The following ZC3H6 variants were observed in gnomAD, a reference collection of about 807,000 sequenced individuals.
The protein encoded by ZC3H6 is zinc finger CCCH-type containing 6, also known as zinc finger CCCH domain-containing protein 6.
Under a neutral mutation model 107.7 loss-of-function variants are expected in ZC3H6, and 40 were observed. The observed-to-expected ratio is 0.37, with a 90% confidence interval of 0.29 to 0.48. ZC3H6 has a LOEUF of 0.48. Among genes scored for constraint, ZC3H6 ranks in the 20% least tolerant of loss-of-function variants. The pLI, the probability that ZC3H6 is intolerant of heterozygous loss-of-function variation, is 0.98. For missense variants in ZC3H6, 1,267 were observed against 1,410.4 expected (o/e 0.90, Z 1.63); for synonymous variants, 493 against 487.9 (o/e 1.01, Z -0.14).
At chr2:112,282,770 G>A (rs2104692246) in intron 1 of ZC3H6, among the ~76,000 whole-genome samples, 1 of 152,322 alleles carries the variant, frequency 6.6e-6, no homozygotes, top group African/African-American at 2.4e-5. Flanking sequence ...TACTGAACAA[G>A]ATCATGAGAT....
intron 8 of ZC3H6, among the ~76,000 whole-genome samples, chr2:112,322,275 G>A (rs1215666049): frequency 1.3e-5 from 2 of 151,198 alleles, no homozygotes; most frequent in African/African-American, 2.4e-5. Context: ...GTGTAGTGGC[G>A]TGATCTTAGC....
chr2:112,315,339 C>T (rs776912270), intron 5 of ZC3H6, among the ~76,000 whole-genome samples: 38 of 152,020 alleles, frequency 2.5e-4, no homozygotes, highest in Non-Finnish European at 4.3e-4. Flanking sequence ...CTTTAATTTT[C>T]TTAAGTTTTT....
At chr2:112,299,291 A>AG (rs1248359986) in intron 1 of ZC3H6, among the ~76,000 whole-genome samples, 1 of 151,542 alleles carries the variant, frequency 6.6e-6, no homozygotes. Context: ...AAAAAAAAAA[A>AG]AATTTAAGAA....
At chr2:112,299,453 G>A (rs1360337605) in intron 1 of ZC3H6, among the ~76,000 whole-genome samples, 3 of 152,032 alleles carry the variant, frequency 2.0e-5, no homozygotes, top group African/African-American at 7.2e-5. Flanking sequence ...CCTGTAAGTC[G>A]AGTGTTTCTT....
At chr2:112,289,237 A>G (rs1676040120) in intron 1 of ZC3H6, among the ~76,000 whole-genome samples, 1 of 148,812 alleles carries the variant, frequency 6.7e-6, no homozygotes, top group Admixed American at 6.7e-5. Flanking sequence ...AACTCAAGTG[A>G]TCTGCCCACC....
chr2:112,291,499 G>A (rs111281778), intron 1 of ZC3H6, among the ~76,000 whole-genome samples: 5,437 of 152,030 alleles, frequency 0.036, 69 homozygotes, highest in African/African-American at 0.059. Flanking sequence ...CTCCCAAAGT[G>A]CTGTGATTAC....
intron 11 of ZC3H6, among the ~76,000 whole-genome samples, chr2:112,325,706 A>C (rs4352239): frequency 0.65 from 99,208 of 151,922 alleles, 34,341 homozygotes; most frequent in African/African-American, 0.9. Flanking sequence ...GAAAAGGACA[A>C]CTTTCAGTTT....
rs758980956 is a variant in ZC3H6 at position 112,324,223 on chromosome 2, A to C, written c.1412A>C (p.His471Pro). Residue 471 changes from histidine to proline, a missense_variant, in exon 10 of 12, where the codon CAT (histidine) becomes CCT (proline). Transcript: ENST00000409871. ...CAGGGAAGCAGTCCACACCCTCAAC[A>C]TATCTATAGTTCTGGGTCAAGTCCA... ...QFQGSSPHPQ[H>P]IYSSGSSPGP... 6.2e-7 allele frequency: 1 copy of C among 1,610,002 alleles called. No individual in the cohort carries two copies. The highest frequency in any genetic ancestry group is 2.2e-5 in the East Asian group (1 of 44,716).
chr2:112,311,889 A>G lies in ZC3H6; in HGVS notation c.699A>G (p.Arg233=). The stretch of plus-strand genomic sequence containing the variant: ...TCAAACGAAAAGAACGTGGGGGAAG[A>G]ACCAATAAAGGGCCTAATGTGTTTT... The part of the protein sequence containing the change: ...KKIKRKERGG[R]TNKGPNVFSV... The change falls in exon 5 of 12, where the codon AGA becomes AGG. Residue 233 remains arginine (R), a synonymous_variant. Coordinates refer to ENST00000409871, the MANE Select transcript of ZC3H6 (RefSeq NM_198581.3). 1 of 1,613,678 alleles carries G rather than the reference A, an allele frequency of 6.2e-7. No homozygotes were observed. The highest frequency in any genetic ancestry group is 2.2e-5 in the East Asian group (1 of 44,842).
At chr2:112,307,864 A>C (rs1676507012) in intron 3 of ZC3H6, among the ~76,000 whole-genome samples, 1 of 152,244 alleles carries the variant, frequency 6.6e-6, no homozygotes, top group Admixed American at 6.5e-5. Flanking sequence ...TATTTTGATA[A>C]AGCTATGCCA....
intron 5 of ZC3H6, among the ~76,000 whole-genome samples, chr2:112,312,708 G>A (rs4542853): frequency 0.65 from 99,022 of 151,786 alleles, 34,242 homozygotes; most frequent in African/African-American, 0.9. Context: ...AAAAATACAA[G>A]AATTTGTCGG....
intron 11 of ZC3H6, among the ~76,000 whole-genome samples, chr2:112,329,642 T>G (rs1018317211): frequency 1.3e-5 from 2 of 152,228 alleles, no homozygotes; most frequent in East Asian, 3.8e-4. Flanking sequence ...CCTGTAACAC[T>G]AAAGTTCCAT....
rs1677190993 is a variant in ZC3H6 at position 112,338,892 on chromosome 2, T to C, written c.*6404T>C. 2 of 33,572 alleles carry C rather than the reference T, an allele frequency of 6.0e-5. No homozygotes were observed. Among genetic ancestry groups the C allele is most frequent in the South Asian group, 2.2e-3 (2 of 918 alleles). 2.1% of individuals were successfully genotyped at this position (33,572 alleles called of 1,614,324 possible). On this transcript the variant is annotated 3_prime_UTR_variant, in exon 12 of 12. Transcript: ENST00000409871. ...ATATATATATATATATATATATATATATATATATATATATATATATAATTT... is the reference window on the plus strand; with the variant it reads ...ATATATATATATATATATATATATACATATATATATATATATATATAATTT...
intron 5 of ZC3H6, among the ~76,000 whole-genome samples, chr2:112,313,063 T>C (rs1676622251): frequency 6.6e-6 from 1 of 152,100 alleles, no homozygotes; most frequent in Admixed American, 6.6e-5. Flanking sequence ...CCAAATAAAT[T>C]TGCGAAACCC....
Position 112,331,571 on chromosome 2 carries a change from C to A in ZC3H6, c.2653C>A (p.Leu885Ile). The change falls in exon 12 of 12, where the codon CTT (leucine) becomes ATT (isoleucine). Residue 885 changes from leucine (L) to isoleucine (I), a missense_variant. By Grantham distance (5) the Leu-to-Ile change is conservative (BLOSUM62 2). Coordinates refer to ENST00000409871, the MANE Select transcript of ZC3H6 (RefSeq NM_198581.3). ...CATCGTGTGGGCTCCCGAAGACTTACTTCCAGTACCTTTACCTAAACCTGA... is the reference window on the plus strand; with the variant it reads ...CATCGTGTGGGCTCCCGAAGACTTAATTCCAGTACCTTTACCTAAACCTGA... ...KHIVWAPEDLLPVPLPKPDPV... is the reference protein window; with the variant it reads ...KHIVWAPEDLIPVPLPKPDPV... The A allele has an allele frequency of 1.2e-6, 2 of 1,613,980 alleles. No individual in the cohort carries two copies. The highest frequency in any genetic ancestry group is 1.7e-6 in the Non-Finnish European group (2 of 1,179,878).
rs1475691475 is a variant in ZC3H6 at position 112,338,887 on chromosome 2, ATAT to A, written c.*6400_*6402del. On this transcript the variant is annotated 3_prime_UTR_variant, in exon 12 of 12. Transcript: ENST00000409871. ...TATATATATATATATATATATATAT[ATAT>A]ATATATATATATATATATATATAAT... The A allele has an allele frequency of 2.5e-4, 7 of 28,094 alleles. No individual in the cohort carries two copies. Among genetic ancestry groups the A allele is most frequent in the Non-Finnish European group, 3.6e-4 (7 of 19,364 alleles). 1.7% of individuals were successfully genotyped at this position (28,094 alleles called of 1,614,324 possible). A position where few individuals can be genotyped will look rare whatever the true frequency, so the allele number is the denominator to read the frequency against.
intron 1 of ZC3H6, among the ~76,000 whole-genome samples, chr2:112,295,859 T>G (rs940718094): frequency 6.6e-6 from 1 of 152,186 alleles, no homozygotes; most frequent in African/African-American, 2.4e-5. Context: ...GACATGAGTT[T>G]ATGGGCATTT....
At chr2:112,315,070 A>G (rs1307488389) in intron 5 of ZC3H6, among the ~76,000 whole-genome samples, 2 of 152,196 alleles carry the variant, frequency 1.3e-5, no homozygotes, top group Non-Finnish European at 2.9e-5. Context: ...ATCTTTTAGC[A>G]AATTAAGAGA....
rs2104731028 is a variant in ZC3H6 at position 112,335,337 on chromosome 2, G to A, written c.*2849G>A. The A allele has an allele frequency of 6.6e-6, 1 of 152,342 alleles. No individual in the cohort carries two copies. Among genetic ancestry groups the A allele is most frequent in the African/African-American group, 2.4e-5 (1 of 41,574 alleles). 9.4% of individuals were successfully genotyped at this position (152,342 alleles called of 1,614,324 possible). On this transcript the variant is annotated 3_prime_UTR_variant, in exon 12 of 12. Transcript: ENST00000409871. ...TATCCTTTAGCCATGGAACTTTAAA[G>A]AGTAGTGTTCCTCCTACTTACTTTA...
Sources: gnomAD v4.1 joint callset for allele counts (sites outside exome capture counted in the v4.1 genomes callset) on GRCh38, gnomAD v4.1.1 for gene constraint, MANE v1.5 for transcripts, NCBI Gene and HGNC (gene_info 2026-07-23, HGNC 2026-07-21) for gene names.